The following THTPA variants were observed in gnomAD, a reference collection of about 807,000 sequenced individuals.
THTPA encodes thiamine-triphosphatase.
In THTPA, 16 loss-of-function variants were observed where a neutral mutation model predicts 16.5. That is an observed-to-expected ratio of 0.97 (90% CI 0.66 to 1.47). The LOEUF is 1.47. Among genes scored for constraint, THTPA ranks in the 40% most tolerant of loss-of-function variants. The probability of loss-of-function intolerance (pLI) is 0.00; values close to 1 mark genes in which losing one functional copy is unlikely to be tolerated. For synonymous variants in THTPA, 110 were observed against 115.5 expected (o/e 0.95, Z 0.30); for missense variants, 281 against 280.9 (o/e 1.00, Z 0.00).
At chr14:23,533,728 A>T in the THTPA span, 1 of 1,552,540 alleles carries the variant, frequency 6.4e-7, no homozygotes, top group Admixed American at 1.9e-5. The surrounding 1 kb of genome is among the most constrained non-coding windows in gnomAD (Gnocchi z 4.8). Context: ...TAGGTTGGCC[A>T]GGTGCTTGTC....
the THTPA span, chr14:23,534,350 G>T: frequency 2.6e-6 from 4 of 1,536,706 alleles, no homozygotes; most frequent in Non-Finnish European, 3.5e-6. This position sits in a 1 kb window ranked among gnomAD's most constrained non-coding sequence, Gnocchi z 4.5. Flanking sequence ...TCTGCCTCAG[G>T]GGGGCCATCC....
chr14:23,528,869 G>A, the THTPA span: 1 of 978,782 alleles, frequency 1.0e-6, no homozygotes, highest in Non-Finnish European at 1.2e-6. Flanking sequence ...CATCCAGGCT[G>A]GCACCAGTGG....
the THTPA span, chr14:23,538,046 G>A: frequency 6.6e-6 from 1 of 152,366 alleles, no homozygotes; most frequent in Non-Finnish European, 1.5e-5. Flanking sequence ...GTAGGGCTAG[G>A]CAGACCTAAG....
At chr14:23,534,882 G>A in the THTPA span, 1 of 1,536,156 alleles carries the variant, frequency 6.5e-7, no homozygotes, top group Non-Finnish European at 8.7e-7. The surrounding 1 kb of genome is among the most constrained non-coding windows in gnomAD (Gnocchi z 4.5). Flanking sequence ...CTTCCTTGAT[G>A]CCCGCCTCAC....
the THTPA span, chr14:23,532,205 C>T: frequency 1.0e-3 from 205 of 198,368 alleles, 3 homozygotes; most frequent in Non-Finnish European, 2.7e-4. Context: ...TTGCTCTCCC[C>T]AACCCTTTCT....
At chr14:23,523,930 G>C in the THTPA span, 3 of 1,536,214 alleles carry the variant, frequency 2.0e-6, no homozygotes, top group Non-Finnish European at 1.7e-6. The surrounding 1 kb of genome is among the most constrained non-coding windows in gnomAD (Gnocchi z 4.1). Context: ...CTTCCTCACT[G>C]GGTGGAGGGG....
intron 1 of THTPA, among the ~76,000 whole-genome samples, chr14:23,558,164 TAAC>T (rs920015155): frequency 1.4e-4 from 22 of 152,210 alleles, no homozygotes; most frequent in African/African-American, 4.6e-4. Context: ...TGCCAGGCAC[TAAC>T]AACAAGACAC....
chr14:23,541,446 C>A, the THTPA span, among the ~76,000 whole-genome samples: 2 of 152,036 alleles, frequency 1.3e-5, no homozygotes, highest in African/African-American at 4.8e-5. Flanking sequence ...CTCCACCACG[C>A]CCAGCTAATT....
rs745531086 is a variant in THTPA, at chr14:23,557,312, AGACAG to A, written c.547+10_547+14del. On this transcript the variant is annotated intron_variant, in intron 1 of 1. Transcript: ENST00000288014. ...GGCTCAGCAGCATGCTTGGTGAGGGAGACAGGCCCTTTTGTGCTTTTCCTGCTCCC... is the reference window on the plus strand; with the variant it reads ...GGCTCAGCAGCATGCTTGGTGAGGGAGCCCTTTTGTGCTTTTCCTGCTCCC... 7.0e-6 allele frequency: 11 copies of A among 1,579,070 alleles called. No homozygotes were observed. Among genetic ancestry groups the A allele is most frequent in the African/African-American group, 2.7e-5 (2 of 74,180 alleles).
the THTPA span, chr14:23,527,515 C>T: frequency 6.7e-7 from 1 of 1,483,298 alleles, no homozygotes; most frequent in Non-Finnish European, 9.1e-7. Context: ...CCAACACATG[C>T]ACCTGCCTGA....
At chr14:23,518,754 A>G in the THTPA span, among the ~76,000 whole-genome samples, 1 of 152,198 alleles carries the variant, frequency 6.6e-6, no homozygotes, top group Non-Finnish European at 1.5e-5. This position sits in a 1 kb window ranked among gnomAD's most constrained non-coding sequence, Gnocchi z 4.5. Flanking sequence ...CAAATGCTTG[A>G]GTTACGGCTG....
the THTPA span, chr14:23,544,366 G>A: frequency 1.3e-5 from 2 of 152,032 alleles, no homozygotes; most frequent in Non-Finnish European, 2.9e-5. Flanking sequence ...CACTTTGGGT[G>A]TATCAATAAA....
the THTPA span, among the ~76,000 whole-genome samples, chr14:23,545,340 T>TC: frequency 6.6e-6 from 1 of 152,192 alleles, no homozygotes; most frequent in African/African-American, 2.4e-5. Context: ...CAACCACTCG[T>TC]CCGCCCTCCT....
At chr14:23,553,444 A>T (rs1882120733), upstream of THTPA, among the ~76,000 whole-genome samples, 1 of 152,030 alleles carries the variant, frequency 6.6e-6, no homozygotes, top group Non-Finnish European at 1.5e-5. Flanking sequence ...TACTAAAAAT[A>T]CAAAATTAGC....
the THTPA span, chr14:23,521,827 G>A: frequency 1.4e-6 from 2 of 1,422,052 alleles, no homozygotes; most frequent in South Asian, 1.5e-5. Context: ...CCCACTGAGG[G>A]TGGGAACTGA....
At position 23,556,727 on chromosome 14, in the gene THTPA, G is replaced by T; in HGVS notation, c.-31G>T. 3.8e-6 allele frequency: 6 copies of T among 1,596,294 alleles called. No homozygotes were observed. Among genetic ancestry groups the T allele is most frequent in the Non-Finnish European group, 5.1e-6 (6 of 1,171,436 alleles). The stretch of plus-strand genomic sequence containing the variant: ...CAGGCTTTGCATCCTTGGGAACTCA[G>T]CAAACGTTTGTTCAGCCAATTGCAG... On this transcript the variant is annotated 5_prime_UTR_variant, in exon 1 of 2. Transcript: ENST00000288014.
the THTPA span, among the ~76,000 whole-genome samples, chr14:23,537,840 G>A: frequency 6.6e-6 from 1 of 152,170 alleles, no homozygotes; most frequent in Non-Finnish European, 1.5e-5. Flanking sequence ...CCACAGGGTG[G>A]GCCACACCGC....
chr14:23,554,918 A>G (rs1012912760), upstream of THTPA, among the ~76,000 whole-genome samples: 16 of 152,264 alleles, frequency 1.1e-4, no homozygotes, highest in Middle Eastern at 6.8e-3. Context: ...AGAGGGAGTA[A>G]GAAGGAATCA....
chr14:23,542,579 G>A, the THTPA span, among the ~76,000 whole-genome samples: 2 of 152,084 alleles, frequency 1.3e-5, no homozygotes, highest in African/African-American at 2.4e-5. Flanking sequence ...TGGTTCTCTC[G>A]TTCTACATAC....
Sources: gnomAD v4.1 joint callset for allele counts (sites outside exome capture counted in the v4.1 genomes callset) on GRCh38, gnomAD v4.1.1 for gene constraint, Gnocchi (gnomAD v3.1) non-coding constraint, MANE v1.5 for transcripts, NCBI Gene and HGNC (gene_info 2026-07-23, HGNC 2026-07-21) for gene names.